DRC4: variants seen among roughly 807,000 people sequenced by gnomAD.
DRC4 encodes dynein regulatory complex subunit 4.
At chr16:90,028,648 AACATAATT>A in the DRC4 span, among the ~76,000 whole-genome samples, 1 of 152,210 alleles carries the variant, frequency 6.6e-6, no homozygotes, top group African/African-American at 2.4e-5. Context: ...AGGGCTACAG[AACATAATT>A]ACATAATTAC....
the DRC4 span, among the ~76,000 whole-genome samples, chr16:90,034,610 A>C: frequency 2.6e-5 from 4 of 152,208 alleles, no homozygotes; most frequent in Admixed American, 1.3e-4. Flanking sequence ...CGACAGTGTG[A>C]GAGTCTGTCT....
At chr16:90,025,260 C>T in the DRC4 span, among the ~76,000 whole-genome samples, 1 of 150,452 alleles carries the variant, frequency 6.6e-6, no homozygotes, top group Non-Finnish European at 1.5e-5. Flanking sequence ...CTCAAGTGAT[C>T]CGCCCGCCTC....
chr16:90,043,302 C>T, the DRC4 span: 382 of 1,613,086 alleles, frequency 2.4e-4, 2 homozygotes, highest in South Asian at 2.9e-3. Context: ...ATCGGACAGA[C>T]ACTGGGCCAG....
At chr16:90,036,236 T>C in the DRC4 span, 1 of 713,332 alleles carries the variant, frequency 1.4e-6, no homozygotes. Context: ...TCTAAACCCC[T>C]TTGTTCTTCT....
the DRC4 span, chr16:90,037,224 GC>G: frequency 6.2e-7 from 1 of 1,603,346 alleles, no homozygotes; most frequent in Non-Finnish European, 8.5e-7. Context: ...CTGTGCTTGT[GC>G]CTGCAGGAGC....
At chr16:90,040,055 G>A in the DRC4 span, 1 of 551,234 alleles carries the variant, frequency 1.8e-6, no homozygotes, top group South Asian at 2.0e-5. Flanking sequence ...ATGGCTTCCA[G>A]AGACACCTTC....
chr16:90,040,944 A>G, the DRC4 span, among the ~76,000 whole-genome samples: 63 of 152,164 alleles, frequency 4.1e-4, no homozygotes, highest in South Asian at 3.9e-3. Context: ...GGCCTGAGGT[A>G]GTGAGGCTGT....
the DRC4 span, chr16:90,027,699 C>G: frequency 5.6e-6 from 9 of 1,614,086 alleles, no homozygotes; most frequent in Non-Finnish European, 7.6e-6. Context: ...TGGGCTCGCT[C>G]CAGAGGACAT....
the DRC4 span, among the ~76,000 whole-genome samples, chr16:90,031,679 T>C: frequency 6.6e-6 from 1 of 152,272 alleles, no homozygotes; most frequent in East Asian, 1.9e-4. Flanking sequence ...AAATGCTGCC[T>C]CCACAACATG....
At chr16:90,020,004 C>T in the DRC4 span, 1 of 699,826 alleles carries the variant, frequency 1.4e-6, no homozygotes, top group Admixed American at 2.0e-5. Context: ...AGCGCCAAGG[C>T]AGTTTCGATG....
At chr16:90,032,788 G>T in the DRC4 span, 2 of 1,613,838 alleles carry the variant, frequency 1.2e-6, no homozygotes, top group African/African-American at 1.3e-5. Flanking sequence ...AAGGCTGAGG[G>T]CACTGTAGTC....
At chr16:90,032,826 A>C in the DRC4 span, 1 of 1,614,000 alleles carries the variant, frequency 6.2e-7, no homozygotes, top group Non-Finnish European at 8.5e-7. Context: ...AGAGCACCGC[A>C]TACAGGAGAG....
At chr16:90,023,469 G>A in the DRC4 span, among the ~76,000 whole-genome samples, 6 of 152,192 alleles carry the variant, frequency 3.9e-5, no homozygotes, top group Admixed American at 3.9e-4. Flanking sequence ...CAGCTGGTGG[G>A]GGGAGGAAAG....
At chr16:90,024,325 G>T in the DRC4 span, among the ~76,000 whole-genome samples, 1 of 151,984 alleles carries the variant, frequency 6.6e-6, no homozygotes, top group Non-Finnish European at 1.5e-5. Context: ...TAGGTGCACC[G>T]GCCCAGTCAG....
chr16:90,022,680 G>C, the DRC4 span: 1 of 1,420,256 alleles, frequency 7.0e-7, no homozygotes, highest in Admixed American at 2.5e-5. Context: ...GGGGGCGGGC[G>C]CCCTGGTCCC....
the DRC4 span, chr16:90,043,814 AATG>A: frequency 2.1e-6 from 1 of 469,004 alleles, no homozygotes; most frequent in Non-Finnish European, 4.4e-6. Flanking sequence ...GTGGTGAGCC[AATG>A]CTCCCTGATG....
At chr16:90,037,958 C>T in the DRC4 span, 12 of 935,158 alleles carry the variant, frequency 1.3e-5, no homozygotes, top group Middle Eastern at 6.5e-4. Context: ...GGGGATGGCA[C>T]CCCTGCTAGC....
chr16:90,020,543 C>T, the DRC4 span, among the ~76,000 whole-genome samples: 1 of 152,182 alleles, frequency 6.6e-6, no homozygotes, highest in African/African-American at 2.4e-5. Context: ...TTCTGAGCTG[C>T]ACAGCTTGAC....
At chr16:90,042,512 T>C in the DRC4 span, 5 of 1,613,664 alleles carry the variant, frequency 3.1e-6, no homozygotes, top group East Asian at 1.1e-4. Flanking sequence ...GGACCTGCAG[T>C]ATGAGCTGGC....
Sources: allele counts gnomAD v4.1 joint callset (sites outside exome capture counted in the v4.1 genomes callset), GRCh38; gene constraint gnomAD v4.1.1; transcripts MANE v1.5; gene names NCBI Gene and HGNC (gene_info 2026-07-23, HGNC 2026-07-21).